Variants in CEP44 observed in about 807,000 individuals in gnomAD.
CEP44 encodes centrosomal protein of 44 kDa.
A neutral mutation model predicts 46.7 loss-of-function variants in CEP44; 45 were observed. That is an observed-to-expected ratio of 0.96 (90% CI 0.76 to 1.24). The LOEUF (loss-of-function observed/expected upper bound fraction) is 1.24. Ranked by LOEUF, CEP44 falls within the 50% of genes most tolerant of loss-of-function variation. The pLI is 0.00. For missense variants in CEP44, 475 were observed against 459.7 expected, an observed-to-expected ratio of 1.03 and a Z score of -0.30; for synonymous variants, 142 against 146.0, an observed-to-expected ratio of 0.97 and a Z score of 0.20.
chr4:174,287,381 G>A lies in CEP44; in HGVS notation c.-148+3438G>A, dbSNP rs189806981. 6.6e-5 allele frequency among the ~76,000 whole-genome samples: 10 copies of A among 152,120 alleles called. No homozygotes were observed. Among genetic ancestry groups the A allele is most frequent in the African/African-American group, 2.4e-4 (10 of 41,420 alleles). ...TTAGTTTGGGATCTAAGACTTATTTGAGGTGGTGACATTTAAGCAGGATGC... is the reference window on the plus strand; with the variant it reads ...TTAGTTTGGGATCTAAGACTTATTTAAGGTGGTGACATTTAAGCAGGATGC... On this transcript the variant is annotated intron_variant, in intron 1 of 11. Coordinates refer to ENST00000503780, the MANE Select transcript of CEP44 (RefSeq NM_001040157.3). This position sits in a 1 kb window ranked among gnomAD's most constrained non-coding sequence, Gnocchi z 5.1.
chr4:174,315,232 A>ATT (rs200701841), intron 9 of CEP44, among the ~76,000 whole-genome samples: 12 of 143,420 alleles, frequency 8.4e-5, no homozygotes, highest in African/African-American at 2.3e-4. Flanking sequence ...TGGGTGTCTA[A>ATT]TTTTTTTTTT....
rs11940726 is a variant in CEP44, at chr4:174,318,127, G to C, written c.*744G>C. On this transcript the variant is annotated 3_prime_UTR_variant, in exon 12 of 12. Coordinates refer to ENST00000503780, the MANE Select transcript of CEP44 (RefSeq NM_001040157.3). ...TGCCCAGGCTGGAGTGCAATAGCAC[G>C]ATCTTGGCTCACCGCAACCTCTGCC... is the stretch of plus-strand genomic sequence containing the variant. 0.46 allele frequency: 427,358 copies of C among 921,260 alleles called. 101,663 individuals carry two copies. Among genetic ancestry groups the C allele is most frequent in the Non-Finnish European group, 0.49 (375,201 of 771,404 alleles). 57.1% of individuals were successfully genotyped at this position (921,260 alleles called of 1,614,324 possible).
At chr4:174,294,579 G>A (rs1458942976) in intron 1 of CEP44, among the ~76,000 whole-genome samples, 1 of 151,768 alleles carries the variant, frequency 6.6e-6, no homozygotes, top group Non-Finnish European at 1.5e-5. Flanking sequence ...AGACGGGGTG[G>A]TGGCTGGGCA....
downstream of CEP44, among the ~76,000 whole-genome samples, chr4:174,321,916 C>T (rs1195313461): frequency 6.6e-6 from 1 of 152,060 alleles, no homozygotes; most frequent in African/African-American, 2.4e-5. Context: ...AAAACAGAAA[C>T]CACTAGGAGT....
rs1017760038 is a variant in CEP44 at position 174,319,534 on chromosome 4, T to G, written c.*2151T>G. On this transcript the variant is annotated 3_prime_UTR_variant, in exon 12 of 12. Transcript: ENST00000503780. ...TAAGTCTCTTTCTACCCTTTCTTTT[T>G]TTCTTTATATAGTGCAGATATACAC... 2.3e-6 allele frequency: 2 copies of G among 857,888 alleles called. No individual in the cohort carries two copies. Among genetic ancestry groups the G allele is most frequent in the African/African-American group, 3.7e-5 (2 of 54,614 alleles). 53.1% of individuals were successfully genotyped at this position (857,888 alleles called of 1,614,324 possible).
chr4:174,316,502 T>C, intron 10 of CEP44, 28 bp from the exon 11 acceptor site: 1 of 1,558,992 alleles, frequency 6.4e-7, no homozygotes, highest in Non-Finnish European at 8.8e-7. Context: ...TGAGAAATCA[T>C]CTAAATTTGT....
chr4:174,300,541 A>G (rs935195471), intron 3 of CEP44, among the ~76,000 whole-genome samples: 2 of 152,106 alleles, frequency 1.3e-5, no homozygotes, highest in African/African-American at 4.8e-5. Context: ...TACAGTGTTT[A>G]AACATTTAAT....
intron 1 of CEP44, among the ~76,000 whole-genome samples, chr4:174,294,827 G>A (rs1169095534): frequency 3.7e-5 from 5 of 133,358 alleles, no homozygotes; most frequent in South Asian, 5.1e-4. Flanking sequence ...CCTCCCTCCC[G>A]GACGGGACGG....
chr4:174,298,750 A>T (rs2126568395), intron 2 of CEP44, among the ~76,000 whole-genome samples: 1 of 152,132 alleles, frequency 6.6e-6, no homozygotes, highest in Non-Finnish European at 1.5e-5. Context: ...TTCCAAGTTG[A>T]TGTGTCTTCT....
At chr4:174,328,630 G>A (rs1230719131) in intron 8 of CEP44, among the ~76,000 whole-genome samples, 1 of 152,134 alleles carries the variant, frequency 6.6e-6, no homozygotes, top group Non-Finnish European at 1.5e-5. Flanking sequence ...GGTGTATCCA[G>A]AAAATTGTCT....
chr4:174,306,945 G>T (rs1311243892), intron 6 of CEP44, among the ~76,000 whole-genome samples: 1 of 152,076 alleles, frequency 6.6e-6, no homozygotes, highest in Non-Finnish European at 1.5e-5. Flanking sequence ...ATAAACCATT[G>T]CTCAAAGAAA....
intron 1 of CEP44, among the ~76,000 whole-genome samples, chr4:174,294,041 A>G (rs1372460155): frequency 1.4e-5 from 2 of 147,084 alleles, no homozygotes; most frequent in African/African-American, 5.0e-5. Flanking sequence ...CAATCCATAT[A>G]TCCTCTTTTT....
rs944496919 is a variant in CEP44 at position 174,297,938 on chromosome 4, C to G, written c.-147-28C>G. On this transcript the variant is annotated intron_variant, in intron 1 of 11. Coordinates refer to ENST00000503780, the MANE Select transcript of CEP44 (RefSeq NM_001040157.3). The surrounding 1 kb of genome is among the most constrained non-coding windows in gnomAD (Gnocchi z 4.3). ...CTCAAATAATCATTCTTATTTCAGC[C>G]CCCTGGACTTACCCCTTTGTCTTTC... 6.6e-6 allele frequency: 1 copy of G among 152,070 alleles called. No individual in the cohort carries two copies. The highest frequency in any genetic ancestry group is 1.5e-5 in the Non-Finnish European group (1 of 68,102). 9.4% of individuals were successfully genotyped at this position (152,070 alleles called of 1,614,324 possible).
In CEP44 at chr4:174,317,507, GTA is replaced by G. The variant is rs1741875762; in HGVS notation, c.*128_*129del. On this transcript the variant is annotated 3_prime_UTR_variant, in exon 12 of 12. Transcript: ENST00000503780. ...TTTTTGACAATTTGGATTCCATTTG[GTA>G]TATGAATTTTTGCATTCATTATTGA... The G allele has an allele frequency of 3.3e-6, 4 of 1,209,070 alleles. No individual in the cohort carries two copies. In the East Asian group the frequency reaches 1.1e-4, roughly 32 times the overall value. The allele number at this position is 1,209,070 out of a possible 1,614,324, so 74.9% of individuals were successfully genotyped here.
intron 3 of CEP44, 139 bp downstream of exon 3, chr4:174,299,349 A>C (rs1316125834): frequency 1.7e-6 from 1 of 605,516 alleles, no homozygotes; most frequent in East Asian, 2.9e-5. Context: ...AAAATATTTG[A>C]GAAAGCAGGG....
chr4:174,308,590 A>AACAAACCTGCACATGGACCCCTGAACTT, intron 6 of CEP44, 99 bp from the exon 7 acceptor site: 1 of 1,167,874 alleles, frequency 8.6e-7, no homozygotes, highest in Non-Finnish European at 1.2e-6. Context: ...TTACTTGTGT[A>AACAAACCTGCACATGGACCCCTGAACTT]ACAAACCTGC....
intron 10 of CEP44, 43 bp from the exon 11 acceptor site, chr4:174,316,487 T>C: frequency 1.3e-6 from 2 of 1,523,928 alleles, no homozygotes; most frequent in Non-Finnish European, 9.0e-7. Flanking sequence ...GATGATGGTT[T>C]ACTTTGAGAA....
intron 1 of CEP44, chr4:174,285,680 A>G (rs1737508206): frequency 6.6e-6 from 1 of 152,248 alleles, no homozygotes; most frequent in African/African-American, 2.4e-5. Context: ...CATAGAATTT[A>G]CATTAAAGTT....
chr4:174,316,023 A>G, intron 9 of CEP44, 143 bp from the exon 10 acceptor site: 3 of 931,498 alleles, frequency 3.2e-6, no homozygotes. Flanking sequence ...TGTTACCTTA[A>G]GAGTACTAAA....
Sources: allele counts gnomAD v4.1 joint callset (sites outside exome capture counted in the v4.1 genomes callset), GRCh38; gene constraint gnomAD v4.1.1; non-coding constraint Gnocchi (gnomAD v3.1); transcripts MANE v1.5; gene names NCBI Gene and HGNC (gene_info 2026-07-23, HGNC 2026-07-21).